The following EBF3 variants were observed in gnomAD, a reference collection of about 807,000 sequenced individuals.
EBF3 encodes the protein EBF transcription factor 3.
A neutral mutation model predicts 77.1 loss-of-function variants in EBF3; 18 were observed. The observed-to-expected ratio is 0.23, with a 90% CI of 0.16 to 0.35. The LOEUF is 0.35. EBF3 is among the 10% of genes least tolerant of loss of function. The pLI is 1.00. For synonymous variants in EBF3, 350 were observed against 343.5 expected (o/e 1.02, Z -0.21); for missense variants, 558 against 860.0 (o/e 0.65, Z 4.39).
At chr10:129,862,547 C>T (rs981010835) in intron 10 of EBF3, among the ~76,000 whole-genome samples, 6 of 152,100 alleles carry the variant, frequency 3.9e-5, no homozygotes, top group Admixed American at 1.3e-4. Flanking sequence ...TAAGAACACC[C>T]GACCCAGCCA....
intron 6 of EBF3, among the ~76,000 whole-genome samples, chr10:129,912,687 C>T (rs1198021110): frequency 6.6e-6 from 1 of 152,214 alleles, no homozygotes; most frequent in South Asian, 2.1e-4. Context: ...TTATCTGACA[C>T]ATTTCTTGCA....
At chr10:129,846,390 T>C (rs767160762) in intron 11 of EBF3, among the ~76,000 whole-genome samples, 2 of 151,906 alleles carry the variant, frequency 1.3e-5, no homozygotes, top group Non-Finnish European at 2.9e-5. Flanking sequence ...ATTGTGGTAA[T>C]ATTATCAACT....
At chr10:129,858,415 C>T (rs1400127363) in intron 10 of EBF3, among the ~76,000 whole-genome samples, 1 of 152,184 alleles carries the variant, frequency 6.6e-6, no homozygotes, top group Non-Finnish European at 1.5e-5. Flanking sequence ...CTGGAGGAGC[C>T]GCCACCCTCA....
intron 10 of EBF3, among the ~76,000 whole-genome samples, chr10:129,850,041 G>A (rs568539630): frequency 1.3e-5 from 2 of 152,398 alleles, no homozygotes; most frequent in South Asian, 4.1e-4. Context: ...CGCGGGGCGC[G>A]TGCGCAGTCG....
rs560668922 is a variant in EBF3 at position 129,952,688 on chromosome 10, G to A, written c.554+4570C>T. 2.0e-5 allele frequency among the ~76,000 whole-genome samples: 3 copies of A among 152,208 alleles called. No homozygotes were observed. The highest frequency in any genetic ancestry group is 2.1e-4 in the South Asian group (1 of 4,820). ...GACTGGTCAAATGTTTATCCTCCCC[G>A]CTTCTGAAAACAACCTGACAAGAAG... On this transcript the variant is annotated intron_variant, in intron 6 of 16. Coordinates refer to ENST00000440978, the MANE Select transcript of EBF3 (RefSeq NM_001375380.1). The surrounding 1 kb of genome is among the most constrained non-coding windows in gnomAD (Gnocchi z 4.7).
rs1004835518 is a variant in EBF3 at position 129,963,194 on chromosome 10, G to T, written c.291+173C>A. 4.9e-5 allele frequency: 56 copies of T among 1,150,542 alleles called. No homozygotes were observed. Among genetic ancestry groups the T allele is most frequent in the Non-Finnish European group, 2.3e-5 (19 of 834,520 alleles). The allele number at this position is 1,150,542 out of a possible 1,614,324, so 71.3% of individuals were successfully genotyped here. On this transcript the variant is annotated intron_variant, in intron 2 of 16. Coordinates refer to ENST00000440978, the MANE Select transcript of EBF3 (RefSeq NM_001375380.1). The surrounding 1 kb of genome is among the most constrained non-coding windows in gnomAD (Gnocchi z 7.1). Reference sequence around the variant, plus strand: ...CCTCGCCCCGAGTAAGTCCGAGGGCGCAGAGAAGTTGCCCAGCCCTCGGCG... The same window carrying T: ...CCTCGCCCCGAGTAAGTCCGAGGGCTCAGAGAAGTTGCCCAGCCCTCGGCG...
At position 129,861,882 on chromosome 10, in the gene EBF3, G is replaced by A. The variant is rs1050633458; in HGVS notation, c.1039+5259C>T. Among the ~76,000 whole-genome samples, 2 of 152,198 alleles carry A rather than the reference G, an allele frequency of 1.3e-5. No homozygotes were observed. Among genetic ancestry groups the A allele is most frequent in the East Asian group, 3.8e-4 (2 of 5,196 alleles). ...TGTGCATCCAAGTAATTTGTTTGAGGAGCACCGGCCTGGGAGACAGCAAGC... is the reference window on the plus strand; with the variant it reads ...TGTGCATCCAAGTAATTTGTTTGAGAAGCACCGGCCTGGGAGACAGCAAGC... On this transcript the variant is annotated intron_variant, in intron 10 of 16. Coordinates refer to ENST00000440978, the MANE Select transcript of EBF3 (RefSeq NM_001375380.1). This position sits in a 1 kb window ranked among gnomAD's most constrained non-coding sequence, Gnocchi z 4.3.
At chr10:129,920,099 AACCCGCCCC>A (rs1266311989) in intron 6 of EBF3, among the ~76,000 whole-genome samples, 1 of 47,216 alleles carries the variant, frequency 2.1e-5, no homozygotes, top group Non-Finnish European at 4.3e-5. Context: ...GAGGGCCACA[AACCCGCCCC>A]ACTGTGCGGT....
Position 129,864,622 on chromosome 10 carries a change from A to G in EBF3, c.1039+2519T>C, listed in dbSNP as rs1428015947. On this transcript the variant is annotated intron_variant, in intron 10 of 16. Transcript: ENST00000440978. This position sits in a 1 kb window ranked among gnomAD's most constrained non-coding sequence, Gnocchi z 4.4. Reference sequence around the variant, plus strand: ...TTCATCCGGGATGGGCTGACAGTCCAGTGTAAGAACAGGGGGCTTATTCAT... The same window carrying G: ...TTCATCCGGGATGGGCTGACAGTCCGGTGTAAGAACAGGGGGCTTATTCAT... 1.3e-5 allele frequency among the ~76,000 whole-genome samples: 2 copies of G among 152,236 alleles called. No individual in the cohort carries two copies. Among genetic ancestry groups the G allele is most frequent in the African/African-American group, 4.8e-5 (2 of 41,458 alleles).
intron 6 of EBF3, among the ~76,000 whole-genome samples, chr10:129,945,017 G>C (rs1028241779): frequency 3.5e-5 from 5 of 141,524 alleles, no homozygotes; most frequent in African/African-American, 1.3e-4. Context: ...CTTTGAATTC[G>C]ACTCTGTGAC....
At chr10:129,915,569 C>G (rs1453881813) in intron 6 of EBF3, among the ~76,000 whole-genome samples, 1 of 151,918 alleles carries the variant, frequency 6.6e-6, no homozygotes, top group African/African-American at 2.4e-5. Flanking sequence ...GTGTGACGTC[C>G]CATGAAGTTT....
At chr10:129,930,557 A>G (rs1237016873) in intron 6 of EBF3, among the ~76,000 whole-genome samples, 3 of 140,422 alleles carry the variant, frequency 2.1e-5, no homozygotes, top group East Asian at 2.2e-4. Flanking sequence ...ACCTATATCT[A>G]TACCTGTCTA....
rs116387675 is a variant in EBF3 at position 129,953,852 on chromosome 10, G to A, written c.554+3406C>T. ...GACCGGGATGGCACGAGCAAGTGAT[G>A]GGAGCCAGAGTGTGGTGTTGGCTTA... On this transcript the variant is annotated intron_variant, in intron 6 of 16. Transcript: ENST00000440978. 5.4e-3 allele frequency among the ~76,000 whole-genome samples: 822 copies of A among 152,338 alleles called. 8 individuals are homozygous for A. Among genetic ancestry groups the A allele is most frequent in the African/African-American group, 0.019 (783 of 41,574 alleles).
chr10:129,928,736 T>A (rs1393815216), intron 6 of EBF3, among the ~76,000 whole-genome samples: 2 of 152,202 alleles, frequency 1.3e-5, no homozygotes, highest in African/African-American at 4.8e-5. Flanking sequence ...CTCCACTAGG[T>A]CAGAGAAGGC....
At position 129,885,810 on chromosome 10, in the gene EBF3, CCT is replaced by C. The variant is rs1322351829; in HGVS notation, c.555-7963_555-7962del. ...ACTTGGCTCACAACAGACGCACCCC[CCT>C]GACTTGTTGCCAGCTCCAGGGGAGG... On this transcript the variant is annotated intron_variant, in intron 6 of 16. Transcript: ENST00000440978. This position sits in a 1 kb window ranked among gnomAD's most constrained non-coding sequence, Gnocchi z 4.0. Among the ~76,000 whole-genome samples, 2 of 152,188 alleles carry C rather than the reference CCT, an allele frequency of 1.3e-5. No individual in the cohort carries two copies. Among genetic ancestry groups the C allele is most frequent in the African/African-American group, 4.8e-5 (2 of 41,438 alleles).
chr10:129,844,949 G>A (rs564767208), intron 11 of EBF3, among the ~76,000 whole-genome samples: 3 of 152,178 alleles, frequency 2.0e-5, no homozygotes, highest in East Asian at 3.9e-4. Context: ...TCAATTTTAA[G>A]CAACGATTAA....
chr10:129,853,472 T>A (rs1041521192), intron 10 of EBF3, among the ~76,000 whole-genome samples: 3 of 152,240 alleles, frequency 2.0e-5, no homozygotes, highest in African/African-American at 4.8e-5. Context: ...AACGCAGTAA[T>A]TTTCTAGCTA....
At chr10:129,866,063 G>A (rs11016982) in intron 10 of EBF3, among the ~76,000 whole-genome samples, 2,221 of 152,306 alleles carry the variant, frequency 0.015, 27 homozygotes, top group Middle Eastern at 0.044. Flanking sequence ...TCTCTCAAAT[G>A]TCACAGCCTT....
intron 6 of EBF3, among the ~76,000 whole-genome samples, chr10:129,896,655 C>T (rs1451437366): frequency 6.6e-6 from 1 of 152,242 alleles, no homozygotes; most frequent in South Asian, 2.1e-4. Context: ...CCCTTGAGCT[C>T]CGCTGACCTC....
Sources: allele counts gnomAD v4.1 joint callset (sites outside exome capture counted in the v4.1 genomes callset), GRCh38; gene constraint gnomAD v4.1.1; non-coding constraint Gnocchi (gnomAD v3.1); transcripts MANE v1.5; gene names NCBI Gene and HGNC (gene_info 2026-07-23, HGNC 2026-07-21).